Variants in SLC37A1 observed in about 807,000 individuals in gnomAD.
SLC37A1 encodes the protein solute carrier family 37 member 1, also known as glucose-6-phosphate exchanger SLC37A1.
SLC37A1 carries 49 observed loss-of-function variants against 75.3 expected under a neutral mutation model. The ratio of observed to expected loss-of-function variants is 0.65; its 90% confidence interval spans 0.52 to 0.83. SLC37A1 has a LOEUF of 0.83. SLC37A1 is among the 40% of genes least tolerant of loss of function. The pLI is 0.00. For missense variants in SLC37A1, 566 were observed against 695.0 expected (o/e 0.81, Z 2.09); for synonymous variants, 268 against 292.1 (o/e 0.92, Z 0.84).
intron 2 of SLC37A1, among the ~76,000 whole-genome samples, chr21:42,507,217 CTT>C (rs1363622563): frequency 1.3e-5 from 2 of 152,166 alleles, no homozygotes; most frequent in Non-Finnish European, 1.5e-5. Flanking sequence ...TTACATAAGT[CTT>C]TTTTAGAAAA....
rs1446593878 is a variant in SLC37A1, at chr21:42,559,071, A to AG, written c.967dup (p.Ala323GlyfsTer39). ...GTGGCACGGCCGCCATCAGCTTCACAGGGGCCTTGAAAATTCCAGTAAGTA... is the reference window on the plus strand; with the variant it reads ...GTGGCACGGCCGCCATCAGCTTCACAGGGGGCCTTGAAAATTCCAGTAAGTA... On this transcript the variant is annotated frameshift_variant, in exon 11 of 20. Transcript: ENST00000352133. LOFTEE classifies it high-confidence loss of function. 2.5e-6 allele frequency: 4 copies of AG among 1,611,336 alleles called. No individual in the cohort carries two copies. Among genetic ancestry groups the AG allele is most frequent in the Non-Finnish European group, 3.4e-6 (4 of 1,179,026 alleles).
chr21:42,556,837 A>C (rs944483681), intron 10 of SLC37A1, among the ~76,000 whole-genome samples: 8 of 152,176 alleles, frequency 5.3e-5, no homozygotes, highest in Non-Finnish European at 1.0e-4. Flanking sequence ...CATCTCCTCC[A>C]GGAGCAAACA....
chr21:42,513,575 G>A (rs1280363295), upstream of SLC37A1, among the ~76,000 whole-genome samples: 1 of 151,976 alleles, frequency 6.6e-6, no homozygotes, highest in Non-Finnish European at 1.5e-5. Context: ...CCCGGAGGCC[G>A]GTGGGGAGCG....
rs28653325 is a variant in SLC37A1, at chr21:42,518,390, A to G, written c.-65A>G. The stretch of plus-strand genomic sequence containing the variant: ...AACAGAGAGAGGATCTGGAGCCAGG[A>G]TTAATGACTCATTTATGAAGCATCT... On this transcript the variant is annotated 5_prime_UTR_variant, in exon 2 of 20. Coordinates refer to ENST00000352133, the MANE Select transcript of SLC37A1 (RefSeq NM_001320537.2). 7,125 of 1,601,066 alleles carry G rather than the reference A, an allele frequency of 4.5e-3. 286 individuals are homozygous for G. In the African/African-American group the frequency reaches 0.084, roughly 19 times the overall value.
chr21:42,568,513 T>C (rs897847139), intron 17 of SLC37A1, 75 bp downstream of exon 17: 2 of 1,417,724 alleles, frequency 1.4e-6, no homozygotes, highest in African/African-American at 2.8e-5. Context: ...CGTGAACAGG[T>C]ACCCAGGGTT....
intron 6 of SLC37A1, among the ~76,000 whole-genome samples, chr21:42,540,966 G>A (rs1156454888): frequency 3.3e-5 from 5 of 152,304 alleles, no homozygotes; most frequent in South Asian, 4.1e-4. Context: ...TTAGACCAGC[G>A]GCTCCCAGGC....
intron 3 of SLC37A1, among the ~76,000 whole-genome samples, chr21:42,532,782 C>CT (rs2055023458): frequency 6.6e-6 from 1 of 152,152 alleles, no homozygotes; most frequent in South Asian, 2.1e-4. Flanking sequence ...CACTCTCTTC[C>CT]TGAGATGCCA....
At chr21:42,575,859 A>C in intron 18 of SLC37A1, 1 of 985,306 alleles carries the variant, frequency 1.0e-6, no homozygotes, top group Non-Finnish European at 1.2e-6. Flanking sequence ...TGTTCTTTGG[A>C]TCATCTGTGG....
At chr21:42,558,844 A>G in intron 10 of SLC37A1, 114 bp from the exon 11 acceptor site, 1 of 1,308,726 alleles carries the variant, frequency 7.6e-7, no homozygotes, top group Non-Finnish European at 1.1e-6. Context: ...TCTCCAAGGC[A>G]GTGGAAGAGA....
chr21:42,579,639 GC>G, intron 18 of SLC37A1, 96 bp from the exon 19 acceptor site: 1 of 1,264,246 alleles, frequency 7.9e-7, no homozygotes. Flanking sequence ...AGAGCCACCC[GC>G]CCAGGCCTTG....
In SLC37A1 at chr21:42,547,355, C is replaced by T; in HGVS notation, c.768+215C>T. 1.8e-6 allele frequency: 1 copy of T among 554,430 alleles called. No individual in the cohort carries two copies. Among genetic ancestry groups the T allele is most frequent in the Non-Finnish European group, 3.2e-6 (1 of 310,994 alleles). 34.3% of individuals were successfully genotyped at this position (554,430 alleles called of 1,614,324 possible). On this transcript the variant is annotated intron_variant, in intron 9 of 19. Transcript: ENST00000352133. This position sits in a 1 kb window ranked among gnomAD's most constrained non-coding sequence, Gnocchi z 6.1. ...CAAAACCCAGACAAGAGGTTCAATG[C>T]TGTCCAGATGAAGGACTTCATGCTA...
intron 3 of SLC37A1, among the ~76,000 whole-genome samples, chr21:42,529,721 G>C (rs1049458587): frequency 2.0e-5 from 3 of 152,214 alleles, no homozygotes; most frequent in African/African-American, 4.8e-5. Flanking sequence ...ACGGAATTCA[G>C]ATCGCCAGGA....
chr21:42,543,905 G>A (rs79213976), intron 8 of SLC37A1, among the ~76,000 whole-genome samples: 1 of 152,304 alleles, frequency 6.6e-6, no homozygotes, highest in East Asian at 1.9e-4. Flanking sequence ...TCTTCCCACA[G>A]GCTGTTCCTT....
At chr21:42,560,359 G>C (rs1422690714) in intron 11 of SLC37A1, 1 of 152,612 alleles carries the variant, frequency 6.6e-6, no homozygotes, top group East Asian at 1.9e-4. Context: ...GTCCAGGGTG[G>C]GCTGTTTGGC....
intron 9 of SLC37A1, among the ~76,000 whole-genome samples, chr21:42,551,827 TGTTTTG>T (rs138057474): frequency 0.043 from 6,333 of 148,418 alleles, 440 homozygotes; most frequent in African/African-American, 0.15. Flanking sequence ...TGTTTTGTTT[TGTTTTG>T]TTTTTTTGGT....
chr21:42,534,980 A>G, intron 4 of SLC37A1, 150 bp downstream of exon 4: 1 of 1,108,166 alleles, frequency 9.0e-7, no homozygotes, highest in African/African-American at 1.6e-5. Context: ...CTTCACCGCC[A>G]CGGTGTCCAC....
upstream of SLC37A1, among the ~76,000 whole-genome samples, chr21:42,513,508 T>C (rs375320169): frequency 3.4e-4 from 51 of 150,936 alleles, no homozygotes; most frequent in East Asian, 2.2e-3. Flanking sequence ...TCGCCGCCTG[T>C]GGGGAAGACC....
In SLC37A1 at chr21:42,525,762, G is replaced by A; in HGVS notation, c.57-14G>A. 6.2e-7 allele frequency: 1 copy of A among 1,600,010 alleles called. No individual in the cohort carries two copies. The highest frequency in any genetic ancestry group is 1.1e-5 in the South Asian group (1 of 90,774). On this transcript the variant is annotated splice_polypyrimidine_tract_variant and intron_variant, in intron 2 of 19. Coordinates refer to ENST00000352133, the MANE Select transcript of SLC37A1 (RefSeq NM_001320537.2). Reference sequence around the variant, plus strand: ...TTATTTCATATCATCCTCTCCCACTGTTTTGTGTTTCAGGTACAGAGCCTT... The same window carrying A: ...TTATTTCATATCATCCTCTCCCACTATTTTGTGTTTCAGGTACAGAGCCTT...
chr21:42,544,528 A>G (rs2055359719), intron 8 of SLC37A1, among the ~76,000 whole-genome samples: 1 of 152,214 alleles, frequency 6.6e-6, no homozygotes, highest in African/African-American at 2.4e-5. Flanking sequence ...GTGAAAATGG[A>G]AATAAACATT....
Sources: gnomAD v4.1 joint callset for allele counts (sites outside exome capture counted in the v4.1 genomes callset) on GRCh38, gnomAD v4.1.1 for gene constraint, Gnocchi (gnomAD v3.1) non-coding constraint, MANE v1.5 for transcripts, NCBI Gene and HGNC (gene_info 2026-07-23, HGNC 2026-07-21) for gene names.